OXR1: variants seen among roughly 807,000 people sequenced by gnomAD.
OXR1 encodes oxidation resistance protein 1.
A neutral mutation model predicts 104.6 loss-of-function variants in OXR1; 41 were observed. The ratio of observed to expected loss-of-function variants is 0.39; its 90% CI spans 0.31 to 0.51. The LOEUF is 0.51. Among genes scored for constraint, OXR1 ranks in the 20% least tolerant of loss-of-function variants. The pLI, the probability that OXR1 is intolerant of heterozygous loss-of-function variation, is 0.77. For missense variants in OXR1, 955 were observed against 1,031.9 expected (o/e 0.93, Z 1.02); for synonymous variants, 348 against 348.4 (o/e 1.00, Z 0.01).
At chr8:106,674,920 T>C (rs1169777453) in intron 3 of OXR1, among the ~76,000 whole-genome samples, 1 of 152,176 alleles carries the variant, frequency 6.6e-6, no homozygotes, top group Non-Finnish European at 1.5e-5. Context: ...CAATTAAACC[T>C]CTTTCCTTTC....
At chr8:106,449,494 G>A (rs886406234) in intron 2 of OXR1, among the ~76,000 whole-genome samples, 50 of 152,010 alleles carry the variant, frequency 3.3e-4, no homozygotes, top group African/African-American at 1.2e-3. Flanking sequence ...CTGTGTTAAC[G>A]GCATCATCAC....
rs533845515 is a variant in OXR1 at position 106,321,158 on chromosome 8, A to C, written c.-138-38318A>C. Among the ~76,000 whole-genome samples the C allele has an allele frequency of 2.6e-5, 4 of 152,374 alleles. No homozygotes were observed. The East Asian group carries it at 7.7e-4, about 29-fold the overall frequency. On this transcript the variant is annotated intron_variant, in intron 1 of 16. Coordinates refer to ENST00000517566, the MANE Select transcript of OXR1 (RefSeq NM_001198533.2). Reference sequence around the variant, plus strand: ...AATAAGAAGTTAAAAAATAGTTTTTAGGTAATATGAAAAGTAATTTGAAAT... The same window carrying C: ...AATAAGAAGTTAAAAAATAGTTTTTCGGTAATATGAAAAGTAATTTGAAAT...
chr8:106,715,878 G>A (rs1020291235), intron 11 of OXR1, among the ~76,000 whole-genome samples: 17 of 152,264 alleles, frequency 1.1e-4, no homozygotes, highest in African/African-American at 2.9e-4. Context: ...CGGAATTGGT[G>A]CAGTTCAAAA....
At chr8:106,452,641 A>T (rs1820380216) in intron 2 of OXR1, among the ~76,000 whole-genome samples, 1 of 152,176 alleles carries the variant, frequency 6.6e-6, no homozygotes, top group African/African-American at 2.4e-5. Flanking sequence ...TAACTTGGTC[A>T]CCAATTTACT....
chr8:106,742,147 A>G, intron 14 of OXR1, 75 bp from the exon 15 acceptor site: 1 of 851,692 alleles, frequency 1.2e-6, no homozygotes, highest in Admixed American at 2.1e-5. Flanking sequence ...TTTTATTTAA[A>G]CATATATGAT....
In OXR1 at chr8:106,618,100, C is replaced by T. The variant is rs962498833; in HGVS notation, c.221-61110C>T. On this transcript the variant is annotated intron_variant, in intron 3 of 16. Transcript: ENST00000517566. ...CTGAGAAGCACAGGAATCAAAATTC[C>T]TGTCTCCTCTTCTTGAAAGCAGCTC... The T allele has an allele frequency of 2.6e-6, 4 of 1,535,802 alleles. No homozygotes were observed. In the African/African-American group the frequency reaches 5.5e-5, roughly 21 times the overall value.
At chr8:106,690,415 G>T (rs553298983) in intron 6 of OXR1, among the ~76,000 whole-genome samples, 1 of 150,290 alleles carries the variant, frequency 6.7e-6, no homozygotes, top group Non-Finnish European at 1.5e-5. Context: ...ATTATACCTC[G>T]GTCTTATATT....
intron 3 of OXR1, among the ~76,000 whole-genome samples, chr8:106,646,682 A>G (rs867229521): frequency 3.7e-4 from 57 of 152,184 alleles, no homozygotes; most frequent in African/African-American, 1.4e-3. Context: ...AAAAAGACAG[A>G]GGGTAAGACC....
chr8:106,721,724 G>A (rs910252201), intron 11 of OXR1, among the ~76,000 whole-genome samples: 1 of 152,144 alleles, frequency 6.6e-6, no homozygotes, highest in African/African-American at 2.4e-5. Context: ...TTCAAAATAT[G>A]TTAGAATCTG....
At chr8:106,527,793 G>A (rs10094235) in intron 3 of OXR1, among the ~76,000 whole-genome samples, 103,326 of 152,092 alleles carry the variant, frequency 0.68, 35,330 homozygotes, top group Admixed American at 0.76. Context: ...TAAGTCTCTG[G>A]AAGTTAAATG....
chr8:106,697,876 T>A, intron 7 of OXR1: 2 of 1,612,406 alleles, frequency 1.2e-6, no homozygotes, highest in South Asian at 2.2e-5. Context: ...GCGTCCAGGC[T>A]GGGACCGGCC....
chr8:106,319,357 A>T (rs1344268319), intron 1 of OXR1, among the ~76,000 whole-genome samples: 1 of 152,342 alleles, frequency 6.6e-6, no homozygotes, highest in East Asian at 1.9e-4. Flanking sequence ...ATCACATTCC[A>T]CTAAAGGCAG....
intron 2 of OXR1, among the ~76,000 whole-genome samples, chr8:106,415,103 A>G (rs894956333): frequency 1.3e-5 from 2 of 152,070 alleles, no homozygotes. Context: ...GACAGGTGAC[A>G]TGTCTTTTTG....
chr8:106,540,915 G>C (rs574986098), intron 3 of OXR1, among the ~76,000 whole-genome samples: 36 of 152,276 alleles, frequency 2.4e-4, no homozygotes, highest in Admixed American at 9.8e-4. Flanking sequence ...TTCTTTCCAT[G>C]ACACAGTGGG....
chr8:106,376,174 G>A (rs993953892), intron 2 of OXR1, among the ~76,000 whole-genome samples: 3 of 152,106 alleles, frequency 2.0e-5, no homozygotes, highest in Non-Finnish European at 2.9e-5. Flanking sequence ...GTGAATTAGC[G>A]CTGTGGCTCA....
intron 11 of OXR1, among the ~76,000 whole-genome samples, chr8:106,737,112 G>A (rs946438301): frequency 6.6e-6 from 1 of 152,058 alleles, no homozygotes; most frequent in Non-Finnish European, 1.5e-5. Context: ...TATAATGTTT[G>A]AGCTCACCTG....
chr8:106,683,439 G>T, intron 5 of OXR1, 133 bp downstream of exon 5: 3 of 471,720 alleles, frequency 6.4e-6, no homozygotes, highest in Non-Finnish European at 7.5e-6. Context: ...AATCATATTG[G>T]CCATGTAAGA....
rs1419752503 is a variant in OXR1, at chr8:106,589,218, A to G, written c.220+70079A>G. On this transcript the variant is annotated intron_variant, in intron 3 of 16. Coordinates refer to ENST00000517566, the MANE Select transcript of OXR1 (RefSeq NM_001198533.2). The stretch of plus-strand genomic sequence containing the variant: ...CATCACAGGCAGATGTGGGTTGTAA[A>G]ATGGCCATTGTCTCAAGACACCCTC... Among the ~76,000 whole-genome samples, 4 of 152,142 alleles carry G rather than the reference A, an allele frequency of 2.6e-5. No homozygotes were observed. The East Asian group carries it at 7.7e-4, about 29-fold the overall frequency.
At chr8:106,531,853 G>C (rs143833875) in intron 3 of OXR1, among the ~76,000 whole-genome samples, 1 of 152,218 alleles carries the variant, frequency 6.6e-6, no homozygotes, top group South Asian at 2.1e-4. Flanking sequence ...AAAAACACTC[G>C]TGTAAATAAA....
Sources: gnomAD v4.1 joint callset for allele counts (sites outside exome capture counted in the v4.1 genomes callset) on GRCh38, gnomAD v4.1.1 for gene constraint, MANE v1.5 for transcripts, NCBI Gene and HGNC (gene_info 2026-07-23, HGNC 2026-07-21) for gene names.